POM121C: variants seen among roughly 807,000 people sequenced by gnomAD.
The protein encoded by POM121C is nuclear envelope pore membrane protein POM 121C.
A neutral mutation model predicts 66.4 loss-of-function variants in POM121C; 20 were observed. The observed-to-expected ratio is 0.30, with a 90% CI of 0.21 to 0.44. POM121C has a LOEUF of 0.44. POM121C is among the 20% of genes least tolerant of loss of function. POM121C has a pLI of 1.00. For missense variants in POM121C, 580 were observed against 1,225.7 expected, an observed-to-expected ratio of 0.47 and a Z score of 7.87; for synonymous variants, 286 against 528.0, an observed-to-expected ratio of 0.54 and a Z score of 6.28.
At chr7:75,433,595 G>A (rs587689869) in intron 7 of POM121C, among the ~76,000 whole-genome samples, 136 of 152,232 alleles carry the variant, frequency 8.9e-4, no homozygotes, top group African/African-American at 3.1e-3. Flanking sequence ...ACCTGACCTG[G>A]TGATCTGCCC....
intron 3 of POM121C, among the ~76,000 whole-genome samples, chr7:75,461,456 C>T (rs1426887317): frequency 1.3e-5 from 2 of 152,120 alleles, no homozygotes; most frequent in African/African-American, 2.4e-5. Context: ...CTCTTTCTGT[C>T]GCCCAGGCTG....
intron 7 of POM121C, among the ~76,000 whole-genome samples, chr7:75,432,624 T>C (rs1790226888): frequency 6.6e-6 from 1 of 152,208 alleles, no homozygotes; most frequent in South Asian, 2.1e-4. Flanking sequence ...ACAATTTGTT[T>C]TTCTGTGTAT....
intron 1 of POM121C, chr7:75,484,419 A>G (rs2599354): frequency 7.0e-5 from 32 of 460,038 alleles, no homozygotes; most frequent in East Asian, 4.3e-4. Context: ...ACAGGGTTTC[A>G]CCATGTTGGC....
chr7:75,472,031 G>A (rs1469829989), intron 3 of POM121C, among the ~76,000 whole-genome samples: 2 of 151,768 alleles, frequency 1.3e-5, no homozygotes, highest in Non-Finnish European at 2.9e-5. Context: ...GACTGCAGGC[G>A]CCCACCACCA....
chr7:75,429,561 G>A (rs1160514714), intron 7 of POM121C, among the ~76,000 whole-genome samples: 8 of 152,238 alleles, frequency 5.3e-5, no homozygotes, highest in Admixed American at 5.2e-4. Flanking sequence ...AACCCGGGAG[G>A]TGGAGGGTGC....
chr7:75,443,287 A>G (rs1790730740), intron 3 of POM121C, among the ~76,000 whole-genome samples: 1 of 152,144 alleles, frequency 6.6e-6, no homozygotes, highest in Non-Finnish European at 1.5e-5. Flanking sequence ...CCTAGGGCTA[A>G]GGAGTGGGTT....
chr7:75,482,917 A>C (rs1387582668), intron 1 of POM121C, among the ~76,000 whole-genome samples: 4 of 152,358 alleles, frequency 2.6e-5, no homozygotes, highest in Admixed American at 2.6e-4. Flanking sequence ...TTACTGACTG[A>C]CTTAGCAAAG....
chr7:75,435,767 T>TG (rs1162920670), intron 7 of POM121C, among the ~76,000 whole-genome samples: 5 of 152,198 alleles, frequency 3.3e-5, no homozygotes, highest in East Asian at 3.8e-4. Context: ...TGAAATTGCA[T>TG]GGCCAGGCAT....
At position 75,419,320 on chromosome 7, in the gene POM121C, C is replaced by T. The variant is rs188604713; in HGVS notation, c.2866G>A (p.Gly956Arg). 3 of 1,610,352 alleles carry T rather than the reference C, an allele frequency of 1.9e-6. No homozygotes were observed. The highest frequency in any genetic ancestry group is 2.5e-6 in the Non-Finnish European group (3 of 1,178,374). ...GGCCACAGGGTGGCTTGCTGCTTAC[C>T]GAACGGTCCAACACCAACAAAGCCT... ...AQGFVGVGPF[G>R]SAAPSFSIGA... Residue 956 changes from glycine (G) to arginine (R), a missense_variant and splice_region_variant, in exon 14 of 15, where the codon GGA (glycine) becomes AGA (arginine). Physicochemically the swap from Gly to Arg is moderately radical, Grantham distance 125. Transcript: ENST00000615331.
At chr7:75,456,147 G>C (rs1283424715) in intron 3 of POM121C, among the ~76,000 whole-genome samples, 1 of 152,218 alleles carries the variant, frequency 6.6e-6, no homozygotes, top group Non-Finnish European at 1.5e-5. Flanking sequence ...GCTGAGGCAG[G>C]AGGATCCCTT....
chr7:75,442,860 T>C (rs1790716427), intron 3 of POM121C: 7 of 1,093,662 alleles, frequency 6.4e-6, no homozygotes, highest in Non-Finnish European at 8.2e-6. Flanking sequence ...ACAGCTGTTT[T>C]GGAAAATGCT....
At chr7:75,452,469 G>C (rs1288893193) in intron 3 of POM121C, among the ~76,000 whole-genome samples, 5 of 152,180 alleles carry the variant, frequency 3.3e-5, no homozygotes, top group Admixed American at 2.6e-4. Context: ...CAAAAAAACA[G>C]TGCATGTTGG....
chr7:75,473,303 G>A (rs1280240730), intron 3 of POM121C, among the ~76,000 whole-genome samples: 1 of 151,872 alleles, frequency 6.6e-6, no homozygotes, highest in African/African-American at 2.4e-5. Context: ...ACTCTTTTAC[G>A]GGATACAAAG....
At chr7:75,478,249 G>A (rs1278803013) in intron 1 of POM121C, among the ~76,000 whole-genome samples, 5 of 152,172 alleles carry the variant, frequency 3.3e-5, no homozygotes, top group African/African-American at 7.2e-5. Context: ...TTACAGGTAT[G>A]AGCCACCACG....
rs782752243 is a variant in POM121C, at chr7:75,421,940, G to A, written c.2312C>T (p.Thr771Met). ...GGCTTTCAATCCAAACGCCGAGTGC[G>A]TGGCACCGCCAAAGGTAGGCTGGAT... ...TPIQPTFGGATHSAFGLKATA... is the reference protein window; with the variant it reads ...TPIQPTFGGAMHSAFGLKATA... The change falls in exon 13 of 15, where the codon ACG (threonine) becomes ATG (methionine). Residue 771 changes from threonine (T) to methionine (M), a missense_variant. Coordinates refer to ENST00000615331, the MANE Select transcript of POM121C (RefSeq NM_001099415.3). 27 of 1,613,412 alleles carry A rather than the reference G, an allele frequency of 1.7e-5. No homozygotes were observed. The highest frequency in any genetic ancestry group is 1.3e-4 in the Admixed American group (8 of 60,020).
At chr7:75,464,856 C>CAAAAAAAAAAA (rs35562594) in intron 3 of POM121C, among the ~76,000 whole-genome samples, 3 of 28,782 alleles carry the variant, frequency 1.0e-4, no homozygotes, top group Non-Finnish European at 2.0e-4. Context: ...AACTCCATCT[C>CAAAAAAAAAAA]AAAAAAAAAA....
At chr7:75,459,616 A>G (rs1171459490) in intron 3 of POM121C, among the ~76,000 whole-genome samples, 1 of 148,272 alleles carries the variant, frequency 6.7e-6, no homozygotes, top group African/African-American at 2.5e-5. Context: ...AAAAAAAAAA[A>G]AAAAGAAAGA....
Position 75,419,290 on chromosome 7 carries a change from A to G in POM121C, c.2866+30T>C, listed in dbSNP as rs1554470253. On this transcript the variant is annotated intron_variant, in intron 14 of 14. Transcript: ENST00000615331. Reference sequence around the variant, plus strand: ...CACCCAACCTCTCCTCAGACAGACGAGCAGGGCCACAGGGTGGCTTGCTGC... The same window carrying G: ...CACCCAACCTCTCCTCAGACAGACGGGCAGGGCCACAGGGTGGCTTGCTGC... 5 of 1,596,774 alleles carry G rather than the reference A, an allele frequency of 3.1e-6. No homozygotes were observed. The Admixed American group carries it at 5.3e-5, about 17-fold the overall frequency.
At chr7:75,443,015 T>G (rs1790721615) in intron 3 of POM121C, among the ~76,000 whole-genome samples, 2 of 152,132 alleles carry the variant, frequency 1.3e-5, no homozygotes, top group South Asian at 4.1e-4. Flanking sequence ...CCGAGACCTA[T>G]GCTTATGTAA....
Sources: allele counts gnomAD v4.1 joint callset (sites outside exome capture counted in the v4.1 genomes callset), GRCh38; gene constraint gnomAD v4.1.1; transcripts MANE v1.5; gene names NCBI Gene and HGNC (gene_info 2026-07-23, HGNC 2026-07-21).